Variants in ZDHHC14 observed in about 807,000 individuals in gnomAD.
ZDHHC14 encodes the protein palmitoyltransferase ZDHHC14.
Under a neutral mutation model 47.7 loss-of-function variants are expected in ZDHHC14, and 16 were observed. The observed-to-expected ratio is 0.34, with a 90% confidence interval of 0.23 to 0.51. ZDHHC14 has a LOEUF of 0.51. Ranked by LOEUF, ZDHHC14 falls within the 20% of genes least tolerant of loss-of-function variation. The pLI is 0.97. For synonymous variants in ZDHHC14, 293 were observed against 278.9 expected (o/e 1.05, Z -0.50); for missense variants, 515 against 662.5 (o/e 0.78, Z 2.44).
At chr6:157,543,839 A>G (rs918135105) in intron 2 of ZDHHC14, among the ~76,000 whole-genome samples, 1 of 152,202 alleles carries the variant, frequency 6.6e-6, no homozygotes, top group East Asian at 1.9e-4. Context: ...CAGTGGGCAG[A>G]CAATCTCTTT....
intron 1 of ZDHHC14, among the ~76,000 whole-genome samples, chr6:157,536,431 A>C (rs1562467537): frequency 6.6e-6 from 1 of 152,242 alleles, no homozygotes; most frequent in South Asian, 2.1e-4. Context: ...TTGTTTTGAT[A>C]CAGGAAAAGA....
At chr6:157,411,428 T>C (rs1042947442) in intron 1 of ZDHHC14, among the ~76,000 whole-genome samples, 6 of 152,164 alleles carry the variant, frequency 3.9e-5, no homozygotes, top group East Asian at 1.9e-4. Flanking sequence ...TGTCATATAA[T>C]TGTGCATAAG....
At position 157,593,185 on chromosome 6, in the gene ZDHHC14, T is replaced by C. The variant is rs1459220840; in HGVS notation, c.565+39T>C. 20 of 1,582,306 alleles carry C rather than the reference T, an allele frequency of 1.3e-5. No individual in the cohort carries two copies. The South Asian group carries it at 2.0e-4, about 16-fold the overall frequency. On this transcript the variant is annotated intron_variant, in intron 3 of 8. Coordinates refer to ENST00000359775, the MANE Select transcript of ZDHHC14 (RefSeq NM_024630.3). ...GGGCGGAGCCTGGCGGGAGCCCGGGTCCTCCGGGTGGGTTTGCGCCTCTCC... is the reference window on the plus strand; with the variant it reads ...GGGCGGAGCCTGGCGGGAGCCCGGGCCCTCCGGGTGGGTTTGCGCCTCTCC...
At chr6:157,464,783 G>A (rs1202389502) in intron 1 of ZDHHC14, among the ~76,000 whole-genome samples, 2 of 152,196 alleles carry the variant, frequency 1.3e-5, no homozygotes, top group Non-Finnish European at 1.5e-5. Flanking sequence ...TGTCTGGTTA[G>A]GCCATTTCAT....
intron 1 of ZDHHC14, among the ~76,000 whole-genome samples, chr6:157,450,743 T>C (rs1427450605): frequency 1.3e-5 from 2 of 152,190 alleles, no homozygotes; most frequent in African/African-American, 4.8e-5. Context: ...ATCCTTGGAT[T>C]GTAAATAGTC....
intron 3 of ZDHHC14, among the ~76,000 whole-genome samples, chr6:157,613,988 T>TCTCATG (rs1784853073): frequency 6.6e-6 from 1 of 152,242 alleles, no homozygotes; most frequent in Admixed American, 6.5e-5. Context: ...GTGGTCTCCC[T>TCTCATG]GATATTATAT....
At chr6:157,631,336 A>G (rs1429527148) in intron 4 of ZDHHC14, 1 of 152,214 alleles carries the variant, frequency 6.6e-6, no homozygotes, top group Non-Finnish European at 1.5e-5. Context: ...CTTCTACACA[A>G]AAGTATTAAG....
intron 1 of ZDHHC14, among the ~76,000 whole-genome samples, chr6:157,430,998 G>A (rs1289217223): frequency 6.6e-6 from 1 of 152,196 alleles, no homozygotes; most frequent in Non-Finnish European, 1.5e-5. Context: ...GAGCTGTTGT[G>A]TTGCTGATCT....
At chr6:157,527,765 C>G (rs907815959) in intron 1 of ZDHHC14, among the ~76,000 whole-genome samples, 25 of 152,186 alleles carry the variant, frequency 1.6e-4, no homozygotes, top group African/African-American at 5.5e-4. Context: ...GAAGTTGTTT[C>G]TGGAAATGGA....
At chr6:157,570,854 G>T in intron 2 of ZDHHC14, among the ~76,000 whole-genome samples, 2 of 149,788 alleles carry the variant, frequency 1.3e-5, no homozygotes, top group Non-Finnish European at 1.5e-5. Context: ...CATCTATATT[G>T]CCCTTCTGAG....
chr6:157,609,412 T>C (rs577041874), intron 3 of ZDHHC14, among the ~76,000 whole-genome samples: 1 of 152,166 alleles, frequency 6.6e-6, no homozygotes, highest in East Asian at 1.9e-4. Context: ...TGTAGGGTGA[T>C]GGCCACTCCA....
At position 157,673,955 on chromosome 6, in the gene ZDHHC14, G is replaced by A. The variant is rs921275224; in HGVS notation, c.*833G>A. 2.6e-5 allele frequency: 4 copies of A among 152,608 alleles called. No homozygotes were observed. The highest frequency in any genetic ancestry group is 1.3e-4 in the Admixed American group (2 of 15,282). The allele number at this position is 152,608 out of a possible 1,614,324, so 9.5% of individuals were successfully genotyped here. ...CCTCTGTTATTTTGGATCTGCGTAC[G>A]GTTATCCTTAATAGCATAAATGAAA... On this transcript the variant is annotated 3_prime_UTR_variant, in exon 9 of 9. Transcript: ENST00000359775. The surrounding 1 kb of genome is among the most constrained non-coding windows in gnomAD (Gnocchi z 5.4).
chr6:157,441,027 C>T (rs191315747), intron 1 of ZDHHC14, among the ~76,000 whole-genome samples: 1 of 152,116 alleles, frequency 6.6e-6, no homozygotes, highest in African/African-American at 2.4e-5. Flanking sequence ...TTATGGGGGT[C>T]TTTTCAGTGT....
intron 1 of ZDHHC14, among the ~76,000 whole-genome samples, chr6:157,494,147 C>T (rs1043429899): frequency 7.9e-5 from 12 of 152,212 alleles, no homozygotes; most frequent in African/African-American, 2.7e-4. Flanking sequence ...CTAAAATGAG[C>T]GGGTTGGACT....
intron 5 of ZDHHC14, among the ~76,000 whole-genome samples, chr6:157,641,012 T>A (rs1777223479): frequency 6.6e-6 from 1 of 152,232 alleles, no homozygotes; most frequent in South Asian, 2.1e-4. Context: ...AAAGGACTCT[T>A]TTTTTTGCAT....
In ZDHHC14 at chr6:157,607,771, C is replaced by T. The variant is rs558837765; in HGVS notation, c.565+14625C>T. 2.2e-4 allele frequency among the ~76,000 whole-genome samples: 34 copies of T among 152,076 alleles called. No homozygotes were observed. The South Asian group carries it at 7.1e-3, about 32-fold the overall frequency. On this transcript the variant is annotated intron_variant, in intron 3 of 8. Coordinates refer to ENST00000359775, the MANE Select transcript of ZDHHC14 (RefSeq NM_024630.3). ...GAGAAATATTGGGAAGAAAAGAACC[C>T]TCAGTGTAGTTAAAGAGATTAAAAC...
chr6:157,421,555 G>T (rs1241109472), intron 1 of ZDHHC14, among the ~76,000 whole-genome samples: 1 of 149,294 alleles, frequency 6.7e-6, no homozygotes, highest in Non-Finnish European at 1.5e-5. Flanking sequence ...TGCTTTGAGA[G>T]CCTTAATGGA....
chr6:157,383,569 C>T (rs570926730), intron 1 of ZDHHC14, among the ~76,000 whole-genome samples: 1 of 152,304 alleles, frequency 6.6e-6, no homozygotes, highest in African/African-American at 2.4e-5. Flanking sequence ...TCAGGAGAAA[C>T]GTTTTGTATC....
chr6:157,493,748 G>A (rs146623287), intron 1 of ZDHHC14, among the ~76,000 whole-genome samples: 6 of 152,374 alleles, frequency 3.9e-5, no homozygotes, highest in East Asian at 3.9e-4. Context: ...TGCCCGCTTC[G>A]TGTCTGCGCA....
Sources: gnomAD v4.1 joint callset for allele counts (sites outside exome capture counted in the v4.1 genomes callset) on GRCh38, gnomAD v4.1.1 for gene constraint, Gnocchi (gnomAD v3.1) non-coding constraint, MANE v1.5 for transcripts, NCBI Gene and HGNC (gene_info 2026-07-23, HGNC 2026-07-21) for gene names.